ACYP2: variants seen among roughly 807,000 people sequenced by gnomAD.
ACYP2 encodes the protein acylphosphatase-2.
ACYP2 carries 12 observed loss-of-function variants against 11.2 expected under a neutral mutation model. The observed-to-expected ratio is 1.08, with a 90% confidence interval of 0.69 to 1.74. The LOEUF is 1.74. Ranked by LOEUF, ACYP2 falls within the 40% of genes most tolerant of loss-of-function variation. The pLI is 0.00. For synonymous variants in ACYP2, 43 were observed against 32.2 expected (o/e 1.33, Z -1.13); for missense variants, 134 against 101.9 (o/e 1.31, Z -1.35).
chr2:54,207,736 T>C (rs773953159), intron 6 of ACYP2, among the ~76,000 whole-genome samples: 6 of 152,178 alleles, frequency 3.9e-5, no homozygotes, highest in Non-Finnish European at 7.3e-5. Flanking sequence ...ATTGAGTGAA[T>C]AGGACATGAA....
chr2:54,245,431 A>G (rs1420613413), intron 6 of ACYP2, among the ~76,000 whole-genome samples: 1 of 152,094 alleles, frequency 6.6e-6, no homozygotes, highest in Non-Finnish European at 1.5e-5. Flanking sequence ...TGGCAGTTCC[A>G]TTTGCAGTTT....
intron 6 of ACYP2, among the ~76,000 whole-genome samples, chr2:54,179,056 G>C (rs1487743224): frequency 6.6e-6 from 1 of 152,158 alleles, no homozygotes; most frequent in African/African-American, 2.4e-5. Flanking sequence ...CTGTCTTCTT[G>C]CTGTGTCCTC....
At chr2:54,113,215 G>A (rs1679546646) in intron 4 of ACYP2, among the ~76,000 whole-genome samples, 5 of 151,224 alleles carry the variant, frequency 3.3e-5, no homozygotes, top group Admixed American at 1.3e-4. Context: ...AGAAACAAGA[G>A]TCTGCATGAG....
intron 2 of ACYP2, among the ~76,000 whole-genome samples, chr2:53,998,991 C>T (rs947141513): frequency 6.6e-6 from 1 of 152,078 alleles, no homozygotes; most frequent in Non-Finnish European, 1.5e-5. Flanking sequence ...ACACCTGTTA[C>T]TTCCATGCAA....
intron 2 of ACYP2, among the ~76,000 whole-genome samples, chr2:54,019,747 G>A (rs1378690252): frequency 3.3e-5 from 5 of 151,930 alleles, no homozygotes; most frequent in African/African-American, 1.2e-4. Flanking sequence ...AGCCTCCCGA[G>A]TAGCTGGGAT....
Position 54,093,855 on chromosome 2 carries a change from A to C in ACYP2, c.277+36495A>C, listed in dbSNP as rs571588921. On this transcript the variant is annotated intron_variant, in intron 4 of 6. Coordinates refer to ENST00000607452, the MANE Select transcript of ACYP2 (RefSeq NM_001320586.2). ...CTCCGGAGGCTGAGGCAGGAGAATG[A>C]CATGAACCTGGGAGGCAGAGCTTGC... Among the ~76,000 whole-genome samples the C allele has an allele frequency of 1.3e-3, 198 of 152,244 alleles. 1 individual carries two copies. Among genetic ancestry groups the C allele is most frequent in the African/African-American group, 4.6e-3 (191 of 41,528 alleles).
At chr2:53,982,832 G>C (rs1375196977) in intron 2 of ACYP2, among the ~76,000 whole-genome samples, 96 of 62,726 alleles carry the variant, frequency 1.5e-3, no homozygotes, top group African/African-American at 4.6e-3. Flanking sequence ...ACAAGACTGT[G>C]TGTGTGTGTG....
At chr2:53,972,358 G>C (rs1381890587) in intron 1 of ACYP2, among the ~76,000 whole-genome samples, 1 of 151,372 alleles carries the variant, frequency 6.6e-6, no homozygotes, top group Admixed American at 6.6e-5. Flanking sequence ...TGTAATCCCA[G>C]CACTTTGGGA....
chr2:54,042,537 G>A (rs1431929345), intron 2 of ACYP2, among the ~76,000 whole-genome samples: 2 of 152,114 alleles, frequency 1.3e-5, no homozygotes, highest in Non-Finnish European at 2.9e-5. Flanking sequence ...ACTGACCCAG[G>A]GTAGATGCTG....
intron 6 of ACYP2, among the ~76,000 whole-genome samples, chr2:54,226,316 C>T (rs1249820707): frequency 5.9e-5 from 9 of 152,124 alleles, no homozygotes; most frequent in East Asian, 1.9e-4. Flanking sequence ...AGATATTGAG[C>T]GTCTGGAATT....
chr2:54,270,625 TAAAAA>T (rs987002569), intron 6 of ACYP2, among the ~76,000 whole-genome samples: 1 of 152,138 alleles, frequency 6.6e-6, no homozygotes, highest in Admixed American at 6.5e-5. Flanking sequence ...AAAATAAAGA[TAAAAA>T]ATAAAAATGA....
At chr2:54,003,676 A>G (rs2104529502) in intron 2 of ACYP2, among the ~76,000 whole-genome samples, 1 of 152,324 alleles carries the variant, frequency 6.6e-6, no homozygotes, top group Non-Finnish European at 1.5e-5. Flanking sequence ...TTTGGCAATT[A>G]TGAATAAAAC....
intron 6 of ACYP2, among the ~76,000 whole-genome samples, chr2:54,249,474 G>C (rs892701119): frequency 6.6e-6 from 1 of 151,778 alleles, no homozygotes; most frequent in African/African-American, 2.4e-5. Flanking sequence ...AAAGGTGATG[G>C]CTCTAGTTTA....
At chr2:54,289,140 C>T (rs1459348813) in intron 6 of ACYP2, among the ~76,000 whole-genome samples, 3 of 152,000 alleles carry the variant, frequency 2.0e-5, no homozygotes, top group African/African-American at 7.3e-5. Context: ...ATGGTGTCAG[C>T]AAAATTGAGC....
intron 2 of ACYP2, among the ~76,000 whole-genome samples, chr2:54,043,078 T>TGG (rs1675328884): frequency 6.6e-6 from 1 of 151,806 alleles, no homozygotes; most frequent in Non-Finnish European, 1.5e-5. Context: ...GTGGGGTGTG[T>TGG]GTGTGTGTGT....
At chr2:54,025,342 T>A (rs1674225478) in intron 2 of ACYP2, among the ~76,000 whole-genome samples, 1 of 152,162 alleles carries the variant, frequency 6.6e-6, no homozygotes, top group Non-Finnish European at 1.5e-5. Context: ...ACTATAAGGC[T>A]ATAGTCACCA....
intron 2 of ACYP2, among the ~76,000 whole-genome samples, chr2:53,979,179 C>T (rs907707708): frequency 1.3e-5 from 2 of 151,988 alleles, no homozygotes; most frequent in Non-Finnish European, 2.9e-5. Context: ...GAAGACCTTC[C>T]AGTGCAACAA....
chr2:54,166,655 G>C (rs1244188374), intron 6 of ACYP2, among the ~76,000 whole-genome samples: 2 of 152,200 alleles, frequency 1.3e-5, no homozygotes, highest in Non-Finnish European at 2.9e-5. Context: ...TTTGGACCCA[G>C]TCAAGTGCTT....
intron 2 of ACYP2, among the ~76,000 whole-genome samples, chr2:53,990,679 A>T (rs1219661938): frequency 1.3e-5 from 2 of 151,858 alleles, no homozygotes; most frequent in East Asian, 3.9e-4. Context: ...AAAAAAAAAG[A>T]AAAAGAATCC....
Sources: gnomAD v4.1 joint callset for allele counts (sites outside exome capture counted in the v4.1 genomes callset) on GRCh38, gnomAD v4.1.1 for gene constraint, MANE v1.5 for transcripts, NCBI Gene and HGNC (gene_info 2026-07-23, HGNC 2026-07-21) for gene names.